RABL3: variants seen among roughly 807,000 people sequenced by gnomAD.
RABL3 encodes RAB, member of RAS oncogene family like 3.
In RABL3, 31 loss-of-function variants were observed where a neutral mutation model predicts 31.8. The ratio of observed to expected loss-of-function variants is 0.97; its 90% CI spans 0.73 to 1.31. The LOEUF is 1.31. Among genes scored for constraint, RABL3 ranks in the 40% most tolerant of loss-of-function variants. RABL3 has a pLI of 0.00. For synonymous variants in RABL3, 97 were observed against 99.9 expected (o/e 0.97, Z 0.18); for missense variants, 263 against 279.6 (o/e 0.94, Z 0.42).
At chr3:120,721,036 T>C (rs1268671213) in intron 2 of RABL3, among the ~76,000 whole-genome samples, 1 of 152,242 alleles carries the variant, frequency 6.6e-6, no homozygotes, top group East Asian at 1.9e-4. Flanking sequence ...ATATTCAACA[T>C]TCTTAAAGAA....
intron 4 of RABL3, among the ~76,000 whole-genome samples, chr3:120,705,525 A>G (rs1431735616): frequency 6.6e-6 from 1 of 152,206 alleles, no homozygotes; most frequent in East Asian, 1.9e-4. Flanking sequence ...AAGGAGCAAA[A>G]GCAATTCAAT....
At position 120,716,528 on chromosome 3, in the gene RABL3, T is replaced by C. The variant is rs573582808; in HGVS notation, c.139-6619A>G. On this transcript the variant is annotated intron_variant, in intron 2 of 7. Transcript: ENST00000273375. ...AGATTTGAAGTAAAAGAGGCAACTGTTGGGTGCAGCACACCAACATGGCAC... is the reference window on the plus strand; with the variant it reads ...AGATTTGAAGTAAAAGAGGCAACTGCTGGGTGCAGCACACCAACATGGCAC... 1.6e-4 allele frequency among the ~76,000 whole-genome samples: 24 copies of C among 152,226 alleles called. No homozygotes were observed. In the South Asian group the frequency reaches 4.8e-3, roughly 30 times the overall value.
chr3:120,727,155 A>G (rs1708831912), intron 2 of RABL3, among the ~76,000 whole-genome samples: 1 of 152,208 alleles, frequency 6.6e-6, no homozygotes, highest in Non-Finnish European at 1.5e-5. Context: ...AAGTATGTTC[A>G]TAAAGATAAG....
At chr3:120,726,045 G>C (rs1708816557) in intron 2 of RABL3, among the ~76,000 whole-genome samples, 1 of 152,004 alleles carries the variant, frequency 6.6e-6, no homozygotes. Context: ...TCTTTAACTT[G>C]GGCTCGGGTG....
At chr3:120,714,118 G>C (rs900387592) in intron 2 of RABL3, among the ~76,000 whole-genome samples, 7 of 152,102 alleles carry the variant, frequency 4.6e-5, no homozygotes, top group Non-Finnish European at 1.0e-4. Flanking sequence ...CCCATTGTTT[G>C]TAACTTTTAA....
upstream of RABL3, chr3:120,742,610 G>T (rs541901312): frequency 4.3e-6 from 5 of 1,154,370 alleles, no homozygotes; most frequent in South Asian, 6.3e-5. Flanking sequence ...CACTCGGAGC[G>T]TGACTGTCTT....
At chr3:120,693,087 G>T (rs1708398724) in intron 6 of RABL3, among the ~76,000 whole-genome samples, 1 of 152,128 alleles carries the variant, frequency 6.6e-6, no homozygotes. Context: ...GGAAGCGGTT[G>T]CCAATCACCC....
intron 4 of RABL3, among the ~76,000 whole-genome samples, chr3:120,703,292 T>C (rs1337244057): frequency 6.6e-6 from 1 of 152,102 alleles, no homozygotes; most frequent in African/African-American, 2.4e-5. Context: ...TAGCAAAAAA[T>C]AACTGGAAAG....
chr3:120,734,326 A>G (rs560670219), intron 1 of RABL3, among the ~76,000 whole-genome samples: 3 of 152,182 alleles, frequency 2.0e-5, no homozygotes, highest in African/African-American at 7.2e-5. Flanking sequence ...TGGGGAGTTC[A>G]CTCATGATTT....
At chr3:120,702,475 T>C (rs1422214132) in intron 4 of RABL3, among the ~76,000 whole-genome samples, 1 of 151,868 alleles carries the variant, frequency 6.6e-6, no homozygotes, top group East Asian at 1.9e-4. Context: ...GCCACTCACC[T>C]CCCACTGTGT....
chr3:120,715,385 A>C (rs761138141), intron 2 of RABL3, among the ~76,000 whole-genome samples: 9 of 152,128 alleles, frequency 5.9e-5, no homozygotes, highest in Non-Finnish European at 1.0e-4. Context: ...TAAAAATACA[A>C]CAATTAGCCA....
chr3:120,737,809 G>C (rs373362183), intron 1 of RABL3, among the ~76,000 whole-genome samples: 1 of 152,356 alleles, frequency 6.6e-6, no homozygotes, highest in African/African-American at 2.4e-5. Flanking sequence ...GTTTGCCTGG[G>C]CATCAGCAGC....
intron 2 of RABL3, among the ~76,000 whole-genome samples, chr3:120,717,277 A>C (rs532330032): frequency 9.2e-4 from 107 of 116,362 alleles, no homozygotes; most frequent in East Asian, 1.8e-3. Context: ...ACAAAAAAAA[A>C]AACAACAAAA....
At chr3:120,693,940 T>G (rs1708407760) in intron 6 of RABL3, among the ~76,000 whole-genome samples, 1 of 152,092 alleles carries the variant, frequency 6.6e-6, no homozygotes, top group African/African-American at 2.4e-5. Flanking sequence ...ATCCAGTAGC[T>G]TTTGCCCTTT....
rs558254975 is a variant in RABL3, at chr3:120,718,198, G to A, written c.139-8289C>T. On this transcript the variant is annotated intron_variant, in intron 2 of 7. Coordinates refer to ENST00000273375, the MANE Select transcript of RABL3 (RefSeq NM_173825.5). ...AATCTCATTCTATTAACAAATCTCC[G>A]CCTCTACCTTGAAAACACAACTTCT... 6.6e-5 allele frequency among the ~76,000 whole-genome samples: 10 copies of A among 151,920 alleles called. No individual in the cohort carries two copies. In the South Asian group the frequency reaches 1.7e-3, roughly 25 times the overall value.
intron 1 of RABL3, among the ~76,000 whole-genome samples, chr3:120,736,641 A>G (rs1243886007): frequency 1.3e-5 from 2 of 152,108 alleles, no homozygotes; most frequent in African/African-American, 2.4e-5. Context: ...TGGTCTTTAC[A>G]ATTTGGCATG....
intron 2 of RABL3, among the ~76,000 whole-genome samples, chr3:120,725,097 T>C (rs1350947679): frequency 1.3e-4 from 4 of 30,022 alleles, no homozygotes; most frequent in African/African-American, 6.8e-4. Context: ...CTCCAACAAA[T>C]TTACAAGAAA....
Position 120,690,486 on chromosome 3 carries a change from A to C in RABL3, c.608T>G (p.Val203Gly). 6.2e-7 allele frequency: 1 copy of C among 1,603,956 alleles called. No individual in the cohort carries two copies. Among genetic ancestry groups the C allele is most frequent in the Non-Finnish European group, 8.5e-7 (1 of 1,171,266 alleles). ...AVKLSRFFDK[V>G]IEKRYFLREG... ...TCTTAAAAAGTATCTCTTCTCTATG[A>C]CCTGTGAAAAACAAAGATTTTAAAG... The change falls in exon 7 of 8, where the codon GTC (valine) becomes GGC (glycine). Residue 203 changes from valine (V) to glycine (G), a missense_variant and splice_region_variant. Transcript: ENST00000273375.
intron 2 of RABL3, among the ~76,000 whole-genome samples, chr3:120,714,053 G>A (rs539392398): frequency 1.6e-4 from 24 of 152,174 alleles, no homozygotes; most frequent in African/African-American, 3.6e-4. Context: ...CTTGTGATCC[G>A]CCTGCCTTGG....
Sources: gnomAD v4.1 joint callset for allele counts (sites outside exome capture counted in the v4.1 genomes callset) on GRCh38, gnomAD v4.1.1 for gene constraint, MANE v1.5 for transcripts, NCBI Gene and HGNC (gene_info 2026-07-23, HGNC 2026-07-21) for gene names.